TMEM132D: variants seen among roughly 807,000 people sequenced by gnomAD.
The protein encoded by TMEM132D is mature OL transmembrane protein.
In TMEM132D, 21 loss-of-function variants were observed where a neutral mutation model predicts 62.3. That is an observed-to-expected ratio of 0.34 (90% CI 0.24 to 0.49). The LOEUF is 0.49. Among genes scored for constraint, TMEM132D ranks in the 20% least tolerant of loss-of-function variants. The pLI, the probability that TMEM132D is intolerant of heterozygous loss-of-function variation, is 0.99. For missense variants in TMEM132D, 1,346 were observed against 1,402.8 expected (o/e 0.96, Z 0.65); for synonymous variants, 621 against 575.6 (o/e 1.08, Z -1.13).
chr12:129,376,679 T>G (rs1170663907), intron 3 of TMEM132D, among the ~76,000 whole-genome samples: 2 of 152,138 alleles, frequency 1.3e-5, no homozygotes, highest in Non-Finnish European at 2.9e-5. Flanking sequence ...GGGTAGGGTG[T>G]GTTAAAAGTA....
At chr12:129,561,802 T>C (rs1048083774) in intron 2 of TMEM132D, among the ~76,000 whole-genome samples, 2 of 152,152 alleles carry the variant, frequency 1.3e-5, no homozygotes, top group African/African-American at 4.8e-5. Context: ...ATATTAAGAA[T>C]ATAAATCTCA....
At chr12:129,502,246 G>A (rs141417267) in intron 3 of TMEM132D, among the ~76,000 whole-genome samples, 12 of 151,882 alleles carry the variant, frequency 7.9e-5, no homozygotes, top group East Asian at 5.8e-4. Flanking sequence ...TGATCCACCC[G>A]CCTCGGCCTC....
At position 129,209,677 on chromosome 12, in the gene TMEM132D, C is replaced by T. The variant is rs1157426061; in HGVS notation, c.1300-14G>A. On this transcript the variant is annotated splice_polypyrimidine_tract_variant and intron_variant, in intron 4 of 8. Transcript: ENST00000422113. ...GATTTCTGCCTCCTGGAAGACCAAA[C>T]ACACCCTTCCATCACATCCCCTCCT... 1.2e-6 allele frequency: 2 copies of T among 1,613,788 alleles called. No individual in the cohort carries two copies. The highest frequency in any genetic ancestry group is 2.7e-5 in the African/African-American group (2 of 74,918).
chr12:129,720,981 T>G (rs1593134533), intron 1 of TMEM132D, among the ~76,000 whole-genome samples: 1 of 151,960 alleles, frequency 6.6e-6, no homozygotes, highest in Non-Finnish European at 1.5e-5. Flanking sequence ...GCTTCAGAGG[T>G]GAGGAATCAC....
At chr12:129,754,774 C>T (rs1870111478) in intron 1 of TMEM132D, among the ~76,000 whole-genome samples, 1 of 152,114 alleles carries the variant, frequency 6.6e-6, no homozygotes, top group African/African-American at 2.4e-5. Context: ...ACCAAAGAGA[C>T]AGCGATTTTG....
At chr12:129,769,288 A>G (rs1870652227) in intron 1 of TMEM132D, among the ~76,000 whole-genome samples, 1 of 152,214 alleles carries the variant, frequency 6.6e-6, no homozygotes, top group South Asian at 2.1e-4. Flanking sequence ...AGGCCTCACA[A>G]TCATGGCAGA....
chr12:129,195,114 G>T lies in TMEM132D; in HGVS notation c.1443+14406C>A, dbSNP rs570362638. On this transcript the variant is annotated intron_variant, in intron 5 of 8. Transcript: ENST00000422113. ...AGTTCTATGAAAAAACATAGGGCAG[G>T]GAAGAAGGATGGGGAATGTCAGAGG... Among the ~76,000 whole-genome samples the T allele has an allele frequency of 2.4e-4, 37 of 152,306 alleles. 1 individual carries two copies. Among genetic ancestry groups the T allele is most frequent in the Middle Eastern group, 3.4e-3 (1 of 294 alleles).
At chr12:129,720,854 C>A (rs994694042) in intron 1 of TMEM132D, among the ~76,000 whole-genome samples, 1 of 152,232 alleles carries the variant, frequency 6.6e-6, no homozygotes. Context: ...ACTCATCTAA[C>A]AGAGATGAAC....
chr12:129,592,489 G>A (rs1053881203), intron 2 of TMEM132D, among the ~76,000 whole-genome samples: 7 of 152,132 alleles, frequency 4.6e-5, no homozygotes, highest in African/African-American at 1.7e-4. Flanking sequence ...AAGCATTTAG[G>A]AGACAGATAT....
intron 4 of TMEM132D, among the ~76,000 whole-genome samples, chr12:129,229,385 C>G (rs751258630): frequency 2.0e-5 from 3 of 152,162 alleles, no homozygotes; most frequent in Non-Finnish European, 4.4e-5. Context: ...TTTATAGCTT[C>G]CAAACATCAA....
chr12:129,765,568 CAAA>C (rs55638594), intron 1 of TMEM132D, among the ~76,000 whole-genome samples: 137,115 of 145,258 alleles, frequency 0.94, 64,839 homozygotes, highest in Non-Finnish European at 0.99. Flanking sequence ...TTGCATCTCC[CAAA>C]AAAAAAAAAA....
At chr12:129,488,908 G>A (rs923282726) in intron 3 of TMEM132D, among the ~76,000 whole-genome samples, 15 of 152,126 alleles carry the variant, frequency 9.9e-5, no homozygotes, top group African/African-American at 3.6e-4. Context: ...CAGCCTGCCT[G>A]GGTGATAGAT....
chr12:129,268,722 T>C (rs977093564), intron 4 of TMEM132D, among the ~76,000 whole-genome samples: 4 of 152,064 alleles, frequency 2.6e-5, no homozygotes, highest in African/African-American at 9.7e-5. Flanking sequence ...TGCACACATA[T>C]GTTTATTGGG....
intron 6 of TMEM132D, among the ~76,000 whole-genome samples, chr12:129,082,351 G>C (rs764739984): frequency 2.6e-5 from 4 of 152,192 alleles, no homozygotes; most frequent in Non-Finnish European, 5.9e-5. Flanking sequence ...CAATGAAAAA[G>C]TTATGGCAAA....
At chr12:129,219,103 C>A (rs553806887) in intron 4 of TMEM132D, among the ~76,000 whole-genome samples, 2 of 152,272 alleles carry the variant, frequency 1.3e-5, no homozygotes. Flanking sequence ...GTGGGGCCAG[C>A]TCAGGTGATA....
At chr12:129,815,480 G>T (rs373730946) in intron 1 of TMEM132D, among the ~76,000 whole-genome samples, 2 of 151,920 alleles carry the variant, frequency 1.3e-5, no homozygotes, top group African/African-American at 2.4e-5. Flanking sequence ...CAGCTATTCT[G>T]GGGGGGTGAC....
intron 2 of TMEM132D, among the ~76,000 whole-genome samples, chr12:129,540,933 G>A (rs2137097623): frequency 6.6e-6 from 1 of 152,336 alleles, no homozygotes; most frequent in African/African-American, 2.4e-5. Context: ...ACTGTGCCCA[G>A]CTTCATTCAA....
intron 4 of TMEM132D, among the ~76,000 whole-genome samples, chr12:129,309,613 T>C (rs932400297): frequency 2.6e-5 from 4 of 152,190 alleles, no homozygotes; most frequent in African/African-American, 9.6e-5. Flanking sequence ...AGTTGCACTT[T>C]ATGCTGGGTC....
chr12:129,486,129 T>C (rs2137056668), intron 3 of TMEM132D, among the ~76,000 whole-genome samples: 1 of 152,312 alleles, frequency 6.6e-6, no homozygotes, highest in Non-Finnish European at 1.5e-5. Context: ...GACTGATCGG[T>C]GTCGGTATTA....
Sources: allele counts gnomAD v4.1 joint callset (sites outside exome capture counted in the v4.1 genomes callset), GRCh38; gene constraint gnomAD v4.1.1; transcripts MANE v1.5; gene names NCBI Gene and HGNC (gene_info 2026-07-23, HGNC 2026-07-21).